SEPTIN7: variants seen among roughly 807,000 people sequenced by gnomAD.
SEPTIN7 encodes septin-7.
Under a neutral mutation model 63.3 loss-of-function variants are expected in SEPTIN7, and 10 were observed. The ratio of observed to expected loss-of-function variants is 0.16; its 90% CI spans 0.10 to 0.27. The LOEUF (loss-of-function observed/expected upper bound fraction) is 0.27, where lower values mean the gene tolerates loss of function less well. SEPTIN7 is among the 10% of genes least tolerant of loss of function. The pLI, the probability that SEPTIN7 is intolerant of heterozygous loss-of-function variation, is 1.00. For synonymous variants in SEPTIN7, 131 were observed against 165.3 expected, an observed-to-expected ratio of 0.79 and a Z score of 1.59; for missense variants, 310 against 521.0, an observed-to-expected ratio of 0.59 and a Z score of 3.94.
intron 1 of SEPTIN7, among the ~76,000 whole-genome samples, chr7:35,821,800 A>T (rs1360010944): frequency 1.3e-5 from 2 of 152,114 alleles, no homozygotes; most frequent in Admixed American, 6.5e-5. Context: ...TTATTTTGAA[A>T]TGGAGTCTCA....
intron 1 of SEPTIN7, among the ~76,000 whole-genome samples, chr7:35,823,892 A>G (rs1562748928): frequency 6.6e-6 from 1 of 151,354 alleles, no homozygotes; most frequent in Non-Finnish European, 1.5e-5. Flanking sequence ...GTTGTTTTAT[A>G]TCTGGTACTT....
intron 3 of SEPTIN7, among the ~76,000 whole-genome samples, chr7:35,853,421 C>G (rs903271599): frequency 1.3e-5 from 2 of 152,130 alleles, no homozygotes; most frequent in African/African-American, 4.8e-5. Context: ...TGAGACTCTC[C>G]TCGGGGCTGG....
rs188725078 is a variant in SEPTIN7, at chr7:35,843,348, A to G, written c.169+10448A>G. Among the ~76,000 whole-genome samples the G allele has an allele frequency of 1.6e-4, 24 of 152,270 alleles. 1 individual carries two copies. Among genetic ancestry groups the G allele is most frequent in the Admixed American group, 1.6e-3 (24 of 15,294 alleles). On this transcript the variant is annotated intron_variant, in intron 3 of 13. Coordinates refer to ENST00000350320, the MANE Select transcript of SEPTIN7 (RefSeq NM_001788.6). ...TCATGCTAGTCCATTCGTATGCTCT[A>G]TTAGAAACTTTTCCTCATTCCGTAG...
chr7:35,856,138 T>C (rs534366855), intron 3 of SEPTIN7, among the ~76,000 whole-genome samples: 1 of 152,370 alleles, frequency 6.6e-6, no homozygotes, highest in South Asian at 2.1e-4. Flanking sequence ...TTAGTCCTCA[T>C]AGTTCATACT....
At chr7:35,861,973 T>A (rs1318338165) in intron 3 of SEPTIN7, among the ~76,000 whole-genome samples, 1 of 152,214 alleles carries the variant, frequency 6.6e-6, no homozygotes, top group Non-Finnish European at 1.5e-5. Context: ...TTTTCACAGG[T>A]CCTGTAAGGT....
chr7:35,844,661 G>A lies in SEPTIN7; in HGVS notation c.169+11761G>A, dbSNP rs186794494. The stretch of plus-strand genomic sequence containing the variant: ...GTTGCCCAGGCTAGAGTGCAATGGC[G>A]TGATCTCGGCTCACTGCAACCTCCG... On this transcript the variant is annotated intron_variant, in intron 3 of 13. Transcript: ENST00000350320. 2.7e-3 allele frequency among the ~76,000 whole-genome samples: 403 copies of A among 152,014 alleles called. 2 individuals carry two copies. Among genetic ancestry groups the A allele is most frequent in the African/African-American group, 9.3e-3 (386 of 41,446 alleles).
chr7:35,900,038 T>G (rs1788220947), intron 12 of SEPTIN7: 1 of 151,534 alleles, frequency 6.6e-6, no homozygotes, highest in South Asian at 2.1e-4. Flanking sequence ...TCTCGTTATA[T>G]TCTTACAGTT....
rs1280697086 is a variant in SEPTIN7 at position 35,882,243 on chromosome 7, A to G, written c.631-241A>G. 4.6e-5 allele frequency among the ~76,000 whole-genome samples: 7 copies of G among 151,900 alleles called. No homozygotes were observed. The South Asian group carries it at 8.3e-4, about 18-fold the overall frequency. ...TTGGAACTCTTTTGGTATGACAGCT[A>G]TATGACTTTAACACTTCGGAAGTAA... On this transcript the variant is annotated intron_variant, in intron 7 of 13. Coordinates refer to ENST00000350320, the MANE Select transcript of SEPTIN7 (RefSeq NM_001788.6).
intron 1 of SEPTIN7, among the ~76,000 whole-genome samples, chr7:35,826,016 A>C (rs901412597): frequency 6.6e-6 from 1 of 152,156 alleles, no homozygotes; most frequent in African/African-American, 2.4e-5. Context: ...GATGAGGAAC[A>C]TAAAAACTGA....
chr7:35,896,445 C>CT (rs1279050676), intron 11 of SEPTIN7, among the ~76,000 whole-genome samples: 3 of 152,086 alleles, frequency 2.0e-5, no homozygotes, highest in African/African-American at 7.2e-5. Context: ...CTTTGAAAAT[C>CT]TAACAAAAGC....
chr7:35,885,875 A>G lies in SEPTIN7; in HGVS notation c.868A>G (p.Ile290Val). Residue 290 changes from isoleucine (I) to valine (V), a missense_variant, in exon 10 of 14, where the codon ATA becomes GTA. Transcript: ENST00000350320. Reference sequence around the variant, plus strand: ...TTTTACAATCCTAAGAAATATGTTGATAAGGTAAGTGCAAGCAATGATGGA... The same window carrying G: ...TTTTACAATCCTAAGAAATATGTTGGTAAGGTAAGTGCAAGCAATGATGGA... ...CDFTILRNML[I>V]RTHMQDLKDV... 6.3e-7 allele frequency: 1 copy of G among 1,597,156 alleles called. No homozygotes were observed. The highest frequency in any genetic ancestry group is 1.1e-5 in the South Asian group (1 of 90,022).
chr7:35,819,756 C>G lies in SEPTIN7; in HGVS notation c.62-11736C>G, dbSNP rs73096597. The stretch of plus-strand genomic sequence containing the variant: ...ATATTAGTGTAGCTACTTCAGCTCT[C>G]TCTTGTTTTCTGTCCTTTTTTTTCA... On this transcript the variant is annotated intron_variant, in intron 1 of 13. Coordinates refer to ENST00000350320, the MANE Select transcript of SEPTIN7 (RefSeq NM_001788.6). Among the ~76,000 whole-genome samples, 1,198 of 152,026 alleles carry G rather than the reference C, an allele frequency of 7.9e-3. 7 individuals are homozygous for G. Among genetic ancestry groups the G allele is most frequent in the Non-Finnish European group, 0.013 (893 of 67,930 alleles).
At chr7:35,863,354 C>A (rs1358656724) in intron 3 of SEPTIN7, among the ~76,000 whole-genome samples, 198 bp from the exon 4 acceptor site, 1 of 151,670 alleles carries the variant, frequency 6.6e-6, no homozygotes, top group African/African-American at 2.4e-5. Flanking sequence ...GAAAAGAATC[C>A]CTGGAAACAT....
At chr7:35,902,941 A>G in intron 12 of SEPTIN7, 135 bp from the exon 13 acceptor site, 4 of 1,262,494 alleles carry the variant, frequency 3.2e-6, no homozygotes, top group African/African-American at 1.5e-5. Flanking sequence ...GAGTACTTCC[A>G]GGTAGTACTC....
chr7:35,813,579 T>A (rs1472077814), intron 1 of SEPTIN7, among the ~76,000 whole-genome samples: 1 of 152,198 alleles, frequency 6.6e-6, no homozygotes, highest in Non-Finnish European at 1.5e-5. Flanking sequence ...TTTGCCATGT[T>A]GACCAAGCTG....
downstream of SEPTIN7, among the ~76,000 whole-genome samples, chr7:35,909,292 G>A (rs563635298): frequency 3.3e-5 from 5 of 152,314 alleles, no homozygotes; most frequent in East Asian, 9.6e-4. Flanking sequence ...CTGGGCAGAG[G>A]TGCCAGGAAC....
At chr7:35,878,130 T>G (rs1213147739) in intron 6 of SEPTIN7, among the ~76,000 whole-genome samples, 1 of 152,128 alleles carries the variant, frequency 6.6e-6, no homozygotes. Context: ...CCCATCTGTA[T>G]GCAGGCAGGC....
chr7:35,888,771 G>GATC, intron 10 of SEPTIN7: 2 of 250,346 alleles, frequency 8.0e-6, no homozygotes, highest in South Asian at 7.2e-5. Context: ...AGTGAGCTGA[G>GATC]ATCGTACCAC....
chr7:35,854,706 A>G (rs1297753922), intron 3 of SEPTIN7, among the ~76,000 whole-genome samples: 1 of 152,158 alleles, frequency 6.6e-6, no homozygotes, highest in Non-Finnish European at 1.5e-5. Flanking sequence ...CAATCACTAT[A>G]TTTGCAGGTA....
Sources: gnomAD v4.1 joint callset for allele counts (sites outside exome capture counted in the v4.1 genomes callset) on GRCh38, gnomAD v4.1.1 for gene constraint, MANE v1.5 for transcripts, NCBI Gene and HGNC (gene_info 2026-07-23, HGNC 2026-07-21) for gene names.